TENM2: variants seen among roughly 807,000 people sequenced by gnomAD.
TENM2 encodes the protein teneurin-2.
In TENM2, 52 loss-of-function variants were observed where a neutral mutation model predicts 245.2. That is an observed-to-expected ratio of 0.21 (90% CI 0.17 to 0.27). The LOEUF (loss-of-function observed/expected upper bound fraction) is 0.27. Among genes scored for constraint, TENM2 ranks in the 10% least tolerant of loss-of-function variants. The probability of loss-of-function intolerance (pLI) is 1.00; values close to 1 mark genes in which losing one functional copy is unlikely to be tolerated. For synonymous variants in TENM2, 1,363 were observed against 1,438.9 expected (o/e 0.95, Z 1.19); for missense variants, 3,046 against 3,666.8 (o/e 0.83, Z 4.37).
chr5:167,065,188 C>T, the TENM2 span, among the ~76,000 whole-genome samples: 1 of 152,026 alleles, frequency 6.6e-6, no homozygotes, highest in Non-Finnish European at 1.5e-5. Context: ...TTGTTGATGC[C>T]ATTAGATCTG....
At chr5:167,692,350 C>T (rs1757487963) in intron 2 of TENM2, among the ~76,000 whole-genome samples, 1 of 152,156 alleles carries the variant, frequency 6.6e-6, no homozygotes. Context: ...ACTACTGTCA[C>T]CTGAGGCTTT....
intron 25 of TENM2, among the ~76,000 whole-genome samples, chr5:168,234,578 T>G (rs902253281): frequency 3.3e-5 from 5 of 152,152 alleles, no homozygotes; most frequent in African/African-American, 1.2e-4. Flanking sequence ...GATCTAAAAC[T>G]CCTGGCCCTG....
At chr5:167,575,130 AAAC>A (rs938589967) in intron 2 of TENM2, among the ~76,000 whole-genome samples, 3 of 151,374 alleles carry the variant, frequency 2.0e-5, no homozygotes, top group Admixed American at 2.0e-4. Flanking sequence ...AAAAAAAAAA[AAAC>A]AACCCAAACC....
At chr5:168,174,777 G>A (rs1056162875) in intron 13 of TENM2, among the ~76,000 whole-genome samples, 9 of 152,192 alleles carry the variant, frequency 5.9e-5, no homozygotes, top group Non-Finnish European at 1.0e-4. Context: ...TGGACCTTGG[G>A]TACATTCCTG....
At chr5:167,607,683 T>C (rs926964904) in intron 2 of TENM2, among the ~76,000 whole-genome samples, 9 of 152,208 alleles carry the variant, frequency 5.9e-5, no homozygotes, top group African/African-American at 2.2e-4. Flanking sequence ...CTGAATTGTC[T>C]TGCATTTGTT....
intron 2 of TENM2, among the ~76,000 whole-genome samples, chr5:167,654,403 C>T (rs913319752): frequency 1.3e-4 from 20 of 152,246 alleles, no homozygotes; most frequent in Admixed American, 1.2e-3. Context: ...GTCTGGAGAG[C>T]GAGTGCCTCC....
At chr5:168,058,672 A>T (rs1200494506) in intron 6 of TENM2, among the ~76,000 whole-genome samples, 8 of 152,304 alleles carry the variant, frequency 5.3e-5, no homozygotes, top group Admixed American at 2.6e-4. Flanking sequence ...AGATATATAC[A>T]AATAGACATT....
intron 12 of TENM2, among the ~76,000 whole-genome samples, chr5:168,146,082 T>C (rs1372677380): frequency 2.0e-5 from 3 of 150,472 alleles, no homozygotes; most frequent in Non-Finnish European, 4.4e-5. Flanking sequence ...GATTTTGGGC[T>C]GAGACAATGG....
At chr5:167,718,344 T>G (rs1435001200) in intron 2 of TENM2, among the ~76,000 whole-genome samples, 2 of 152,166 alleles carry the variant, frequency 1.3e-5, no homozygotes, top group African/African-American at 4.8e-5. Context: ...GGTCCTGTTT[T>G]GGGGCCACTC....
At chr5:168,108,792 C>A (rs554136264) in intron 9 of TENM2, among the ~76,000 whole-genome samples, 2 of 152,068 alleles carry the variant, frequency 1.3e-5, no homozygotes, top group Non-Finnish European at 2.9e-5. Context: ...CTCTCTGAGC[C>A]CCCTCTGGCT....
chr5:167,754,807 T>G (rs915239016), intron 2 of TENM2: 1 of 384,948 alleles, frequency 2.6e-6, no homozygotes. Context: ...TGGGCAGGAC[T>G]TGCGGTTGGC....
chr5:168,156,253 A>AAAAAAAAC (rs1257477445), intron 12 of TENM2, among the ~76,000 whole-genome samples: 24 of 149,554 alleles, frequency 1.6e-4, no homozygotes, highest in Admixed American at 5.3e-4. Context: ...TAGTTAAAAA[A>AAAAAAAAC]AAAAAAAAAA....
intron 2 of TENM2, among the ~76,000 whole-genome samples, chr5:167,400,190 T>C (rs1762283558): frequency 6.6e-6 from 1 of 152,092 alleles, no homozygotes; most frequent in South Asian, 2.1e-4. Context: ...AAGCAGGACT[T>C]GAACCAGAAG....
intron 13 of TENM2, among the ~76,000 whole-genome samples, chr5:168,176,783 C>A (rs1759400622): frequency 6.6e-6 from 1 of 152,166 alleles, no homozygotes; most frequent in African/African-American, 2.4e-5. Context: ...AAGCAATTGT[C>A]TTTTATTCAA....
In TENM2 at chr5:168,002,128, A is replaced by G. The variant is rs966838512; in HGVS notation, c.1186+8946A>G. 5.3e-5 allele frequency among the ~76,000 whole-genome samples: 8 copies of G among 152,368 alleles called. No homozygotes were observed. In the East Asian group the frequency reaches 1.5e-3, roughly 29 times the overall value. ...TTTTGTTTGTTTGTTTCTAAAAACC[A>G]AAGCCATGGATGAGAAGAGAGGAGA... On this transcript the variant is annotated intron_variant, in intron 5 of 28. Coordinates refer to ENST00000518659, the Ensembl canonical transcript of TENM2.
chr5:167,862,419 A>G (rs1449312507), intron 2 of TENM2, among the ~76,000 whole-genome samples: 4 of 152,232 alleles, frequency 2.6e-5, no homozygotes, highest in African/African-American at 4.8e-5. Flanking sequence ...CTTTTTAGCC[A>G]TAACTAAGCA....
At chr5:167,152,526 C>A in the TENM2 span, among the ~76,000 whole-genome samples, 6 of 152,088 alleles carry the variant, frequency 3.9e-5, no homozygotes, top group Non-Finnish European at 7.4e-5. Flanking sequence ...TAGTGTTAAA[C>A]CTGAAGGGAT....
the TENM2 span, among the ~76,000 whole-genome samples, chr5:167,166,782 A>G: frequency 2.6e-5 from 4 of 152,134 alleles, no homozygotes; most frequent in Non-Finnish European, 4.4e-5. Flanking sequence ...CCTATTCTCA[A>G]TAATATTATA....
At chr5:168,069,190 A>G (rs529525829) in intron 7 of TENM2, among the ~76,000 whole-genome samples, 1 of 152,322 alleles carries the variant, frequency 6.6e-6, no homozygotes, top group African/African-American at 2.4e-5. Context: ...AGTATCCATC[A>G]GTGCAATTGC....
Sources: gnomAD v4.1 joint callset for allele counts (sites outside exome capture counted in the v4.1 genomes callset) on GRCh38, gnomAD v4.1.1 for gene constraint, MANE v1.5 for transcripts, NCBI Gene and HGNC (gene_info 2026-07-23, HGNC 2026-07-21) for gene names.